Variants in VEGFC observed in about 807,000 individuals in gnomAD.
The protein encoded by VEGFC is vascular endothelial growth factor C.
A neutral mutation model predicts 46.1 loss-of-function variants in VEGFC; 12 were observed. The ratio of observed to expected loss-of-function variants is 0.26; its 90% confidence interval spans 0.17 to 0.42. VEGFC has a LOEUF of 0.42. Ranked by LOEUF, VEGFC falls within the 10% of genes least tolerant of loss-of-function variation. VEGFC has a pLI of 1.00. For missense variants in VEGFC, 488 were observed against 529.4 expected, an observed-to-expected ratio of 0.92 and a Z score of 0.77; for synonymous variants, 232 against 195.5, an observed-to-expected ratio of 1.19 and a Z score of -1.56.
chr4:176,714,344 G>A (rs1162433767), intron 3 of VEGFC, among the ~76,000 whole-genome samples: 3 of 151,968 alleles, frequency 2.0e-5, no homozygotes, highest in Non-Finnish European at 4.4e-5. Context: ...ACACACCAGC[G>A]CCCCCTTCCA....
chr4:176,738,438 A>G (rs1313161666), intron 1 of VEGFC, among the ~76,000 whole-genome samples: 2 of 152,122 alleles, frequency 1.3e-5, no homozygotes, highest in Non-Finnish European at 2.9e-5. Context: ...CCTGACAAAA[A>G]TAAACAATAG....
chr4:176,711,665 C>A lies in VEGFC; in HGVS notation c.553-15G>T, dbSNP rs370267488. 1.8e-4 allele frequency: 287 copies of A among 1,605,466 alleles called. No homozygotes were observed. The highest frequency in any genetic ancestry group is 3.4e-4 in the African/African-American group (25 of 74,066). ...ATTTCAAATAACTACAAAGAAGGGACAAAAAGAAGAAAAAATTATATAGAT... is the reference window on the plus strand; with the variant it reads ...ATTTCAAATAACTACAAAGAAGGGAAAAAAAGAAGAAAAAATTATATAGAT... On this transcript the variant is annotated splice_polypyrimidine_tract_variant and intron_variant, in intron 3 of 6. Transcript: ENST00000618562.
At chr4:176,685,569 G>C (rs1734024988) in intron 6 of VEGFC, among the ~76,000 whole-genome samples, 1 of 151,970 alleles carries the variant, frequency 6.6e-6, no homozygotes, top group Non-Finnish European at 1.5e-5. Context: ...TAATTCTGTA[G>C]AAAAGTAGGT....
At chr4:176,731,611 T>C (rs914098571) in intron 1 of VEGFC, among the ~76,000 whole-genome samples, 1 of 151,840 alleles carries the variant, frequency 6.6e-6, no homozygotes, top group East Asian at 1.9e-4. Flanking sequence ...GACCTGTGTG[T>C]GATTGGAAGG....
intron 1 of VEGFC, among the ~76,000 whole-genome samples, chr4:176,732,836 C>T (rs1008349111): frequency 1.3e-5 from 2 of 151,524 alleles, no homozygotes; most frequent in African/African-American, 2.4e-5. Context: ...ATTATATTTC[C>T]AGAAAATCGA....
chr4:176,724,942 G>T (rs988475676), intron 3 of VEGFC, among the ~76,000 whole-genome samples: 1 of 152,124 alleles, frequency 6.6e-6, no homozygotes, highest in Non-Finnish European at 1.5e-5. Context: ...ATGGAGAGAG[G>T]ATGGTTGAGG....
chr4:176,737,624 T>C (rs1293964587), intron 1 of VEGFC, among the ~76,000 whole-genome samples: 1 of 151,444 alleles, frequency 6.6e-6, no homozygotes, highest in Middle Eastern at 3.4e-3. Flanking sequence ...AGAATAATCA[T>C]AAAAATAGTT....
chr4:176,780,313 C>T (rs1226750213), intron 1 of VEGFC, among the ~76,000 whole-genome samples: 2 of 143,846 alleles, frequency 1.4e-5, no homozygotes, highest in Non-Finnish European at 3.0e-5. Flanking sequence ...ACCCGGGAGG[C>T]GGAGGTTGCA....
chr4:176,698,436 T>G (rs1419854362), intron 4 of VEGFC, among the ~76,000 whole-genome samples: 1 of 152,096 alleles, frequency 6.6e-6, no homozygotes, highest in Non-Finnish European at 1.5e-5. Flanking sequence ...TATATAATAT[T>G]CATGCATTTT....
chr4:176,750,897 G>C (rs1477189160), intron 1 of VEGFC, among the ~76,000 whole-genome samples: 1 of 151,506 alleles, frequency 6.6e-6, no homozygotes, highest in African/African-American at 2.4e-5. Context: ...GAAAACTTCA[G>C]TAGCCCATGG....
At chr4:176,762,260 G>A (rs964898302) in intron 1 of VEGFC, among the ~76,000 whole-genome samples, 2 of 152,174 alleles carry the variant, frequency 1.3e-5, no homozygotes, top group Non-Finnish European at 2.9e-5. Flanking sequence ...GGGGGGAGGT[G>A]GGGCCTTTAA....
intron 4 of VEGFC, among the ~76,000 whole-genome samples, chr4:176,696,839 A>G (rs952570269): frequency 1.3e-5 from 2 of 152,218 alleles, no homozygotes; most frequent in African/African-American, 4.8e-5. Context: ...GCATATCTAC[A>G]ACAATCTGAT....
At chr4:176,725,869 A>T (rs2111014214) in intron 3 of VEGFC, among the ~76,000 whole-genome samples, 1 of 152,196 alleles carries the variant, frequency 6.6e-6, no homozygotes, top group South Asian at 2.1e-4. Context: ...TGTTTTAAAA[A>T]TGAATATTAC....
intron 4 of VEGFC, among the ~76,000 whole-genome samples, chr4:176,696,139 T>A (rs1734309377): frequency 6.9e-6 from 1 of 144,822 alleles, no homozygotes; most frequent in South Asian, 2.3e-4. Context: ...GCCAGGGCAA[T>A]TAGGCAGGAG....
At chr4:176,692,419 A>T (rs137870562) in intron 4 of VEGFC, among the ~76,000 whole-genome samples, 1 of 125,530 alleles carries the variant, frequency 8.0e-6, no homozygotes, top group East Asian at 2.1e-4. Context: ...AACAAACAAA[A>T]AAAAAACAAA....
intron 1 of VEGFC, among the ~76,000 whole-genome samples, chr4:176,740,418 T>C (rs552009910): frequency 2.2e-3 from 108 of 49,542 alleles, no homozygotes; most frequent in African/African-American, 7.2e-3. Flanking sequence ...ATATATATTC[T>C]ATATATAGTT....
chr4:176,743,493 A>C (rs1735210377), intron 1 of VEGFC, among the ~76,000 whole-genome samples: 2 of 151,650 alleles, frequency 1.3e-5, no homozygotes, highest in Non-Finnish European at 2.9e-5. Flanking sequence ...TAGTCACCGG[A>C]TATAAATAAT....
chr4:176,736,348 A>G (rs1735052661), intron 1 of VEGFC, among the ~76,000 whole-genome samples: 1 of 151,784 alleles, frequency 6.6e-6, no homozygotes, highest in Admixed American at 6.6e-5. Flanking sequence ...CGGCCTATGC[A>G]TATAGGCCGA....
intron 4 of VEGFC, among the ~76,000 whole-genome samples, chr4:176,695,724 T>C (rs1165426546): frequency 1.3e-5 from 2 of 151,568 alleles, no homozygotes; most frequent in African/African-American, 4.9e-5. Flanking sequence ...GATGCAAAAA[T>C]CCTCAATAAA....
Sources: allele counts gnomAD v4.1 joint callset (sites outside exome capture counted in the v4.1 genomes callset), GRCh38; gene constraint gnomAD v4.1.1; transcripts MANE v1.5; gene names NCBI Gene and HGNC (gene_info 2026-07-23, HGNC 2026-07-21).